The following UMAD1 variants were observed in gnomAD, a reference collection of about 807,000 sequenced individuals.
UMAD1 encodes the protein UBAP1-MVB12-associated (UMA) domain containing 1.
Under a neutral mutation model 6.1 loss-of-function variants are expected in UMAD1, and 8 were observed. The observed-to-expected ratio is 1.30, with a 90% confidence interval of 0.76 to 2.35. The LOEUF is 2.35. Ranked by LOEUF, UMAD1 falls within the 30% of genes most tolerant of loss-of-function variation. UMAD1 has a pLI of 0.00. For synonymous variants in UMAD1, 56 were observed against 31.4 expected (o/e 1.78, Z -2.61); for missense variants, 130 against 78.4 (o/e 1.66, Z -2.49).
At chr7:7,656,618 C>T (rs940076103) in intron 1 of UMAD1, among the ~76,000 whole-genome samples, 9 of 152,174 alleles carry the variant, frequency 5.9e-5, no homozygotes, top group African/African-American at 1.7e-4. Flanking sequence ...TTTCCAGCTT[C>T]ATCCATGTCC....
intron 3 of UMAD1, among the ~76,000 whole-genome samples, chr7:7,867,852 T>C (rs554197421): frequency 5.9e-5 from 9 of 152,258 alleles, no homozygotes; most frequent in East Asian, 5.8e-4. Context: ...CTCCCCCTAA[T>C]TGATGAAGCC....
intron 2 of UMAD1, among the ~76,000 whole-genome samples, chr7:7,701,556 T>A (rs1317204902): frequency 6.6e-6 from 1 of 152,228 alleles, no homozygotes; most frequent in African/African-American, 2.4e-5. Context: ...AGTATTTTTC[T>A]GAACCTTCCC....
chr7:7,786,694 G>T (rs1782467940), intron 2 of UMAD1, among the ~76,000 whole-genome samples: 1 of 152,134 alleles, frequency 6.6e-6, no homozygotes, highest in Non-Finnish European at 1.5e-5. Flanking sequence ...GAAATACTTT[G>T]CTCTTGCCTT....
chr7:7,805,035 C>T (rs150606327), intron 3 of UMAD1, among the ~76,000 whole-genome samples: 28 of 152,172 alleles, frequency 1.8e-4, no homozygotes, highest in Middle Eastern at 3.4e-3. Context: ...CACTGCTGAA[C>T]GCTCGCTACC....
intron 3 of UMAD1, among the ~76,000 whole-genome samples, chr7:7,827,986 C>G (rs983402191): frequency 6.6e-6 from 1 of 152,128 alleles, no homozygotes; most frequent in African/African-American, 2.4e-5. Flanking sequence ...CAAGAAGCCA[C>G]TATAAGACCA....
intron 3 of UMAD1, among the ~76,000 whole-genome samples, chr7:7,824,125 C>G (rs1415085341): frequency 6.6e-6 from 1 of 152,110 alleles, no homozygotes; most frequent in African/African-American, 2.4e-5. Flanking sequence ...CTCCGCTCCA[C>G]AGAATCAGAG....
chr7:7,823,826 A>G (rs1055271759), intron 3 of UMAD1, among the ~76,000 whole-genome samples: 1 of 152,144 alleles, frequency 6.6e-6, no homozygotes, highest in Non-Finnish European at 1.5e-5. Flanking sequence ...TTGTAAAGTG[A>G]TAATATTGAT....
intron 2 of UMAD1, among the ~76,000 whole-genome samples, chr7:7,680,164 C>T (rs549693149): frequency 3.8e-4 from 58 of 152,134 alleles, no homozygotes; most frequent in Middle Eastern, 3.4e-3. Context: ...CTAGTAGTTT[C>T]GTAGTTTCAG....
intron 3 of UMAD1, chr7:7,868,476 CG>C (rs1304458176): frequency 2.0e-5 from 3 of 151,528 alleles, no homozygotes; most frequent in Non-Finnish European, 4.4e-5. Context: ...AAGAGGAAGT[CG>C]GGAGAACATT....
At chr7:7,752,049 T>C (rs75112494) in intron 2 of UMAD1, among the ~76,000 whole-genome samples, 5,838 of 152,238 alleles carry the variant, frequency 0.038, 373 homozygotes, top group African/African-American at 0.13. Flanking sequence ...AATTATAGAC[T>C]CCTAATTTAG....
chr7:7,714,664 A>G (rs544013137), intron 2 of UMAD1, among the ~76,000 whole-genome samples: 3 of 152,178 alleles, frequency 2.0e-5, no homozygotes, highest in Admixed American at 6.5e-5. Flanking sequence ...TTGGACTTAC[A>G]TAAGAAAGAC....
At chr7:7,721,538 TTA>T (rs1044013123) in intron 2 of UMAD1, among the ~76,000 whole-genome samples, 1 of 152,036 alleles carries the variant, frequency 6.6e-6, no homozygotes. Context: ...GATGGCAGAG[TTA>T]TGTTTCATAA....
At chr7:7,706,963 CT>C (rs1442028435) in intron 2 of UMAD1, among the ~76,000 whole-genome samples, 3 of 152,150 alleles carry the variant, frequency 2.0e-5, no homozygotes, top group Non-Finnish European at 4.4e-5. Context: ...TAATGCCAGG[CT>C]TATATTCTTG....
intron 2 of UMAD1, among the ~76,000 whole-genome samples, chr7:7,758,267 C>T (rs1226831240): frequency 6.6e-6 from 1 of 151,768 alleles, no homozygotes; most frequent in African/African-American, 2.4e-5. Context: ...GTCGTCTTTG[C>T]TTTCCCTTTT....
At chr7:7,828,585 C>T (rs572199822) in intron 3 of UMAD1, among the ~76,000 whole-genome samples, 11 of 152,314 alleles carry the variant, frequency 7.2e-5, no homozygotes, top group Admixed American at 2.6e-4. Context: ...TGTGTACACA[C>T]GCATGCTAGT....
chr7:7,688,574 C>T (rs773094728), intron 2 of UMAD1, among the ~76,000 whole-genome samples: 8 of 152,124 alleles, frequency 5.3e-5, no homozygotes, highest in Non-Finnish European at 8.8e-5. Context: ...AAATCTGTCT[C>T]GAGGCTTCCT....
chr7:7,763,095 G>A (rs771093667), intron 2 of UMAD1, among the ~76,000 whole-genome samples: 75 of 152,020 alleles, frequency 4.9e-4, no homozygotes, highest in Admixed American at 1.6e-3. Flanking sequence ...TTTGAGCATA[G>A]GATACAAGTT....
Position 7,822,215 on chromosome 7 carries a change from C to T in UMAD1, c.156+20472C>T, listed in dbSNP as rs956496255. ...TTGACAAAAACTTAAAGGGTTTGGGCGCACTGAGAATAGTACAGTGAAGTC... is the reference window on the plus strand; with the variant it reads ...TTGACAAAAACTTAAAGGGTTTGGGTGCACTGAGAATAGTACAGTGAAGTC... On this transcript the variant is annotated intron_variant, in intron 3 of 3. Coordinates refer to ENST00000682710, the MANE Select transcript of UMAD1 (RefSeq NM_001302348.2). 3.3e-5 allele frequency among the ~76,000 whole-genome samples: 5 copies of T among 151,814 alleles called. No individual in the cohort carries two copies. In the East Asian group the frequency reaches 7.7e-4, roughly 23 times the overall value.
intron 1 of UMAD1, among the ~76,000 whole-genome samples, chr7:7,665,874 G>A (rs1583710180): frequency 1.5e-5 from 2 of 136,874 alleles, no homozygotes. Context: ...TCACTATTTT[G>A]TTTCCCTTTT....
Sources: gnomAD v4.1 joint callset for allele counts (sites outside exome capture counted in the v4.1 genomes callset) on GRCh38, gnomAD v4.1.1 for gene constraint, MANE v1.5 for transcripts, NCBI Gene and HGNC (gene_info 2026-07-23, HGNC 2026-07-21) for gene names.